SUPT20H: variants seen among roughly 807,000 people sequenced by gnomAD.
The protein encoded by SUPT20H is SPT20 homolog, SAGA complex component.
A neutral mutation model predicts 122.8 loss-of-function variants in SUPT20H; 82 were observed. The observed-to-expected ratio is 0.67, with a 90% CI of 0.56 to 0.80. The LOEUF is 0.80. Among genes scored for constraint, SUPT20H ranks in the 30% least tolerant of loss-of-function variants. The pLI is 0.00. For missense variants in SUPT20H, 831 were observed against 921.6 expected (o/e 0.90, Z 1.27); for synonymous variants, 291 against 313.0 (o/e 0.93, Z 0.74).
At chr13:37,052,125 C>T (rs1457077514) in intron 1 of SUPT20H, among the ~76,000 whole-genome samples, 1 of 152,118 alleles carries the variant, frequency 6.6e-6, no homozygotes, top group Non-Finnish European at 1.5e-5. Flanking sequence ...CTCGTAGATT[C>T]AATGCTATTA....
intron 12 of SUPT20H, 72 bp downstream of exon 12, chr13:37,031,495 C>A: frequency 2.0e-6 from 2 of 981,846 alleles, no homozygotes; most frequent in Non-Finnish European, 2.9e-6. Context: ...TTTGTTTTCT[C>A]AAGGTATAAG....
chr13:37,056,158 T>C (rs1303096427), intron 1 of SUPT20H, among the ~76,000 whole-genome samples: 2 of 152,190 alleles, frequency 1.3e-5, no homozygotes, highest in East Asian at 1.9e-4. Context: ...CACTTTTACA[T>C]TGTTGGTGGG....
At chr13:37,024,494 C>A (rs767200938) in intron 17 of SUPT20H, 52 bp from the exon 18 acceptor site, 9 of 1,153,342 alleles carry the variant, frequency 7.8e-6, no homozygotes, top group African/African-American at 3.2e-5. Flanking sequence ...CTGCTATAAA[C>A]CCCAGATGAT....
intron 6 of SUPT20H, 44 bp downstream of exon 6, chr13:37,045,203 C>G: frequency 1.9e-6 from 3 of 1,606,124 alleles, no homozygotes; most frequent in Non-Finnish European, 2.5e-6. Flanking sequence ...CACATCCTGC[C>G]TAGCAAAAGT....
At chr13:37,025,187 C>T (rs868601096) in intron 17 of SUPT20H, 133 bp downstream of exon 17, 6 of 753,528 alleles carry the variant, frequency 8.0e-6, no homozygotes, top group Middle Eastern at 2.6e-4. Context: ...GGTGATCCAC[C>T]CACCTTGGCC....
intron 2 of SUPT20H, among the ~76,000 whole-genome samples, chr13:37,049,835 T>C (rs1405350629): frequency 6.6e-6 from 1 of 152,232 alleles, no homozygotes; most frequent in Non-Finnish European, 1.5e-5. Flanking sequence ...TTTTCATTCA[T>C]AATGATAGTC....
Position 37,045,267 on chromosome 13 carries a change from A to T in SUPT20H, c.272T>A (p.Leu91His). 6.2e-7 allele frequency: 1 copy of T among 1,613,570 alleles called. No individual in the cohort carries two copies. Among genetic ancestry groups the T allele is most frequent in the Non-Finnish European group, 8.5e-7 (1 of 1,179,710 alleles). Residue 91 changes from leucine to histidine, a missense_variant, in exon 6 of 26, where the codon CTC becomes CAC. Physicochemically the swap from Leu to His is moderately conservative, Grantham distance 99. Transcript: ENST00000350612. ...YPGNEGYSLM[L>H]RGKNGSDSET... is the part of the protein sequence containing the mutation. Reference sequence around the variant, plus strand: ...CTTACCTGATCCGTTTTTTCCCCTGAGCATCAGAGAATATCCCTCATTTCC... The same window carrying T: ...CTTACCTGATCCGTTTTTTCCCCTGTGCATCAGAGAATATCCCTCATTTCC...
At chr13:37,017,134 A>C (rs1225812626) in intron 23 of SUPT20H, 111 bp downstream of exon 23, 1 of 1,483,860 alleles carries the variant, frequency 6.7e-7, no homozygotes, top group Non-Finnish European at 9.4e-7. Flanking sequence ...TGTTAATAAA[A>C]ACAGTACAGG....
intron 23 of SUPT20H, chr13:37,014,056 G>C (rs949442570): frequency 6.6e-6 from 1 of 151,842 alleles, no homozygotes; most frequent in African/African-American, 2.4e-5. Context: ...ACATCTTGAA[G>C]AAGAAAACAA....
chr13:37,011,815 C>T (rs2059678933), intron 24 of SUPT20H, among the ~76,000 whole-genome samples: 1 of 151,836 alleles, frequency 6.6e-6, no homozygotes, highest in African/African-American at 2.4e-5. Flanking sequence ...TACAAGTTAC[C>T]AGAACGAGAC....
At position 37,022,264 on chromosome 13, in the gene SUPT20H, G is replaced by A. The variant is rs530017375; in HGVS notation, c.1592-184C>T. The A allele has an allele frequency of 1.6e-3, 2,483 of 1,519,482 alleles. 5 individuals carry two copies. Among genetic ancestry groups the A allele is most frequent in the Non-Finnish European group, 2.1e-3 (2,408 of 1,130,390 alleles). 94.1% of individuals were successfully genotyped at this position (1,519,482 alleles called of 1,614,324 possible). On this transcript the variant is annotated intron_variant, in intron 19 of 25. Coordinates refer to ENST00000350612, the MANE Select transcript of SUPT20H (RefSeq NM_001014286.3). This position sits in a 1 kb window ranked among gnomAD's most constrained non-coding sequence, Gnocchi z 4.5. ...GTTGAGCTCTGAGCATCAGGAGGGTGTGGGGTCGATGAAGGGGTTGGTGTA... is the reference window on the plus strand; with the variant it reads ...GTTGAGCTCTGAGCATCAGGAGGGTATGGGGTCGATGAAGGGGTTGGTGTA...
At position 37,009,513 on chromosome 13, in the gene SUPT20H, GT is replaced by G; in HGVS notation, c.*158del. ...CCCTAGTTTGTTAAACCATTTCCCT[GT>G]TTTTATTTAAAAATGATAAGGTTGT... On this transcript the variant is annotated 3_prime_UTR_variant, in exon 26 of 26. Coordinates refer to ENST00000350612, the MANE Select transcript of SUPT20H (RefSeq NM_001014286.3). 1.0e-6 allele frequency: 1 copy of G among 996,030 alleles called. No homozygotes were observed. Among genetic ancestry groups the G allele is most frequent in the Non-Finnish European group, 1.5e-6 (1 of 666,672 alleles). The allele number at this position is 996,030 out of a possible 1,614,324, so 61.7% of individuals were successfully genotyped here.
chr13:37,024,038 G>A lies in SUPT20H; in HGVS notation c.1588C>T (p.Gln530Ter). 1 of 1,605,114 alleles carries A rather than the reference G, an allele frequency of 6.2e-7. No homozygotes were observed. The highest frequency in any genetic ancestry group is 8.5e-7 in the Non-Finnish European group (1 of 1,176,896). ...AAGAATTTAAGTTATGACTCACTTT[G>A]TGATGAGCTGGCAGGTGATAGGGCA... ...PAALSPASSS[Q>*]RTTATQVMAN... Residue 530 changes from glutamine (Q) to a stop codon, truncating the protein, a stop_gained, in exon 19 of 26, where the codon CAA becomes TAA. Transcript: ENST00000350612. LOFTEE classifies it high-confidence loss of function.
intron 1 of SUPT20H, among the ~76,000 whole-genome samples, chr13:37,052,048 GA>G (rs547074507): frequency 1.3e-5 from 2 of 151,532 alleles, no homozygotes; most frequent in Admixed American, 1.3e-4. Context: ...CAAACAAATA[GA>G]AAAAAAATCC....
At chr13:37,039,973 G>A (rs2065171433) in intron 9 of SUPT20H, 1 of 153,122 alleles carries the variant, frequency 6.5e-6, no homozygotes, top group Non-Finnish European at 1.4e-5. Context: ...AACTGGAGGG[G>A]TTAACTGGTT....
intron 21 of SUPT20H, 74 bp from the exon 22 acceptor site, chr13:37,019,471 A>G (rs541015476): frequency 2.4e-5 from 25 of 1,024,556 alleles, no homozygotes; most frequent in Non-Finnish European, 3.5e-5. Flanking sequence ...ACTTTAGTAT[A>G]TATAAGTACA....
intron 2 of SUPT20H, 146 bp from the exon 3 acceptor site, chr13:37,048,745 A>G: frequency 3.5e-6 from 2 of 567,572 alleles, no homozygotes; most frequent in East Asian, 3.3e-5. Flanking sequence ...TGATCAATAT[A>G]TATATAACAA....
chr13:37,014,566 A>G (rs1339508951), intron 23 of SUPT20H, among the ~76,000 whole-genome samples: 1 of 152,154 alleles, frequency 6.6e-6, no homozygotes, highest in Non-Finnish European at 1.5e-5. Flanking sequence ...CTGCAGAAAG[A>G]TATTTGGAAA....
At chr13:37,057,853 A>T (rs2069513680) in intron 1 of SUPT20H, among the ~76,000 whole-genome samples, 1 of 151,888 alleles carries the variant, frequency 6.6e-6, no homozygotes, top group Non-Finnish European at 1.5e-5. Flanking sequence ...GTACACCTGA[A>T]ATCCCAGCTA....
Sources: allele counts gnomAD v4.1 joint callset (sites outside exome capture counted in the v4.1 genomes callset), GRCh38; gene constraint gnomAD v4.1.1; non-coding constraint Gnocchi (gnomAD v3.1); transcripts MANE v1.5; gene names NCBI Gene and HGNC (gene_info 2026-07-23, HGNC 2026-07-21).